The following BRI3BP variants were observed in gnomAD, a reference collection of about 807,000 sequenced individuals.
BRI3BP encodes the protein BRI3-binding protein.
BRI3BP carries 7 observed loss-of-function variants against 15.8 expected under a neutral mutation model. That is an observed-to-expected ratio of 0.44 (90% confidence interval 0.25 to 0.83). BRI3BP has a LOEUF of 0.83. BRI3BP is among the 40% of genes least tolerant of loss of function. BRI3BP has a pLI of 0.20. For synonymous variants in BRI3BP, 192 were observed against 163.5 expected, an observed-to-expected ratio of 1.17 and a Z score of -1.33; for missense variants, 320 against 339.3, an observed-to-expected ratio of 0.94 and a Z score of 0.45.
the BRI3BP span, among the ~76,000 whole-genome samples, chr12:125,041,719 G>C: frequency 6.6e-6 from 1 of 152,090 alleles, no homozygotes; most frequent in East Asian, 1.9e-4. Context: ...TTTTTGTTTT[G>C]AAACAGAGTC....
At chr12:125,021,246 T>G (rs1446766573) in intron 2 of BRI3BP, among the ~76,000 whole-genome samples, 3 of 151,544 alleles carry the variant, frequency 2.0e-5, no homozygotes, top group Non-Finnish European at 4.4e-5. Context: ...AGTGTTGGAC[T>G]CTAGACACTG....
chr12:125,016,103 G>A (rs533068368), intron 2 of BRI3BP, among the ~76,000 whole-genome samples: 2 of 152,296 alleles, frequency 1.3e-5, no homozygotes, highest in South Asian at 4.1e-4. Context: ...GCGGATCCAC[G>A]AGCCCTGAAT....
intron 1 of BRI3BP, 136 bp from the exon 2 acceptor site, chr12:125,012,398 A>G: frequency 1.4e-6 from 1 of 701,440 alleles, no homozygotes; most frequent in South Asian, 1.6e-5. Flanking sequence ...CTGGGCCAGT[A>G]GTCCACATGT....
At chr12:125,003,675 G>C (rs954905823) in intron 1 of BRI3BP, among the ~76,000 whole-genome samples, 1 of 152,078 alleles carries the variant, frequency 6.6e-6, no homozygotes, top group Non-Finnish European at 1.5e-5. Flanking sequence ...AATACCGGCC[G>C]GGCATGGTGG....
chr12:125,020,874 T>A (rs1027412216), intron 2 of BRI3BP, among the ~76,000 whole-genome samples: 2 of 129,190 alleles, frequency 1.5e-5, no homozygotes, highest in Non-Finnish European at 3.2e-5. Flanking sequence ...AGCAAGACTC[T>A]GTCTCAAATA....
chr12:125,020,295 A>T (rs187413059), intron 2 of BRI3BP, among the ~76,000 whole-genome samples: 166 of 152,274 alleles, frequency 1.1e-3, no homozygotes, highest in African/African-American at 3.9e-3. Flanking sequence ...GTCCAAAATG[A>T]AGGCACTGGC....
downstream of BRI3BP, among the ~76,000 whole-genome samples, chr12:125,032,785 A>G (rs1200583016): frequency 6.6e-6 from 1 of 152,202 alleles, no homozygotes; most frequent in Non-Finnish European, 1.5e-5. Flanking sequence ...AAATATAATC[A>G]TTTTGTAAGA....
intron 1 of BRI3BP, among the ~76,000 whole-genome samples, chr12:125,006,812 C>T (rs1405725116): frequency 2.0e-5 from 3 of 152,166 alleles, no homozygotes; most frequent in Admixed American, 6.5e-5. Flanking sequence ...TTCCACGCAC[C>T]CTTTCCTGGG....
chr12:125,016,825 C>T (rs994618080), intron 2 of BRI3BP, among the ~76,000 whole-genome samples: 7 of 39,776 alleles, frequency 1.8e-4, no homozygotes, highest in Admixed American at 3.7e-4. Flanking sequence ...TGCGCCCAGC[C>T]TTTTTTTTTT....
the BRI3BP span, among the ~76,000 whole-genome samples, chr12:125,042,078 T>C: frequency 6.6e-6 from 1 of 152,236 alleles, no homozygotes; most frequent in South Asian, 2.1e-4. Context: ...AATATCCCAT[T>C]TTACAGATAT....
chr12:125,036,115 A>T (rs550169794), downstream of BRI3BP, among the ~76,000 whole-genome samples: 4 of 152,206 alleles, frequency 2.6e-5, no homozygotes, highest in African/African-American at 9.6e-5. Flanking sequence ...CCAAGGCTGC[A>T]GTGCAATGGC....
chr12:125,003,867 T>C (rs1289711116), intron 1 of BRI3BP, among the ~76,000 whole-genome samples: 2 of 151,872 alleles, frequency 1.3e-5, no homozygotes, highest in African/African-American at 4.8e-5. Flanking sequence ...GCAGGAGAAT[T>C]GCTTGAGCCC....
At chr12:125,042,014 A>G in the BRI3BP span, among the ~76,000 whole-genome samples, 1 of 151,800 alleles carries the variant, frequency 6.6e-6, no homozygotes, top group Non-Finnish European at 1.5e-5. Context: ...TCACTTTAAA[A>G]ACACAAATAG....
In BRI3BP at chr12:125,002,744, C is replaced by T. The variant is rs372238970; in HGVS notation, c.213+8741C>T. 2.6e-4 allele frequency among the ~76,000 whole-genome samples: 39 copies of T among 152,278 alleles called. 2 individuals are homozygous for T. Among genetic ancestry groups the T allele is most frequent in the African/African-American group, 9.1e-4 (38 of 41,574 alleles). Reference sequence around the variant, plus strand: ...GTGCTGGGATTACAGGCGTGAGCCACCACACCTGGCCCAGAACTGTCTTTT... The same window carrying T: ...GTGCTGGGATTACAGGCGTGAGCCATCACACCTGGCCCAGAACTGTCTTTT... On this transcript the variant is annotated intron_variant, in intron 1 of 2. Transcript: ENST00000341446.
chr12:125,048,741 T>A, the BRI3BP span, among the ~76,000 whole-genome samples: 1 of 151,044 alleles, frequency 6.6e-6, no homozygotes, highest in Admixed American at 6.6e-5. Flanking sequence ...AAAAAAGAAA[T>A]TCGGTTTGGA....
chr12:125,047,433 A>G, the BRI3BP span, among the ~76,000 whole-genome samples: 2 of 151,818 alleles, frequency 1.3e-5, no homozygotes, highest in Non-Finnish European at 2.9e-5. Context: ...TCCGCCTCCC[A>G]AAGTGCTGGG....
chr12:125,030,896 T>C lies in BRI3BP; in HGVS notation c.*5466T>C, dbSNP rs960947474. 1.3e-5 allele frequency: 2 copies of C among 152,204 alleles called. No homozygotes were observed. The highest frequency in any genetic ancestry group is 1.3e-4 in the Admixed American group (2 of 15,276). The allele number at this position is 152,204 out of a possible 1,614,324, so 9.4% of individuals were successfully genotyped here. ...TATTTTGTGTATCTGGTTATAAATT[T>C]TGTATAGCATTTAATTTGGCACTTA... On this transcript the variant is annotated 3_prime_UTR_variant, in exon 3 of 3. Transcript: ENST00000341446.
intron 1 of BRI3BP, among the ~76,000 whole-genome samples, chr12:125,008,058 A>T (rs538005477): frequency 6.6e-6 from 1 of 152,186 alleles, no homozygotes; most frequent in African/African-American, 2.4e-5. Context: ...GAGGCAGTGG[A>T]TCTGGATGGG....
At chr12:124,999,224 T>G (rs1249736215) in intron 1 of BRI3BP, among the ~76,000 whole-genome samples, 1 of 152,158 alleles carries the variant, frequency 6.6e-6, no homozygotes, top group African/African-American at 2.4e-5. Context: ...CCCTTGCTCC[T>G]TGGTCGTAGT....
Sources: allele counts gnomAD v4.1 joint callset (sites outside exome capture counted in the v4.1 genomes callset), GRCh38; gene constraint gnomAD v4.1.1; transcripts MANE v1.5; gene names NCBI Gene and HGNC (gene_info 2026-07-23, HGNC 2026-07-21).